SYNE3: variants seen among roughly 807,000 people sequenced by gnomAD.
SYNE3 encodes the protein spectrin repeat containing nuclear envelope family member 3.
SYNE3 carries 100 observed loss-of-function variants against 111.2 expected under a neutral mutation model. That is an observed-to-expected ratio of 0.90 (90% CI 0.77 to 1.06). The LOEUF is 1.06. SYNE3 is among the 50% of genes least tolerant of loss of function. SYNE3 has a pLI of 0.00. For missense variants in SYNE3, 1,160 were observed against 1,240.3 expected (o/e 0.94, Z 0.97); for synonymous variants, 547 against 533.9 (o/e 1.02, Z -0.34).
At chr14:95,488,228 C>T (rs1454720272) in intron 1 of SYNE3, among the ~76,000 whole-genome samples, 1 of 152,086 alleles carries the variant, frequency 6.6e-6, no homozygotes, top group East Asian at 1.9e-4. Flanking sequence ...GGCCTGGTAC[C>T]CCTAACCCCT....
At chr14:95,442,786 G>A (rs1886480412) in intron 11 of SYNE3, among the ~76,000 whole-genome samples, 1 of 152,242 alleles carries the variant, frequency 6.6e-6, no homozygotes, top group Admixed American at 6.5e-5. Flanking sequence ...GGCTGCCTAA[G>A]GATCTCAGCA....
At chr14:95,464,559 G>C (rs553264666) in intron 4 of SYNE3, among the ~76,000 whole-genome samples, 2 of 152,378 alleles carry the variant, frequency 1.3e-5, no homozygotes, top group East Asian at 3.9e-4. Context: ...TCAGAATATG[G>C]AGTTGGGGCC....
At chr14:95,481,398 A>G (rs1328058669) in intron 1 of SYNE3, among the ~76,000 whole-genome samples, 1 of 152,132 alleles carries the variant, frequency 6.6e-6, no homozygotes, top group Non-Finnish European at 1.5e-5. Flanking sequence ...GAGGAGGAGG[A>G]GCTGAGAAGC....
rs1438231016 is a variant in SYNE3, at chr14:95,457,359, C to A, written c.628-21G>T. ...CGCTTCTGTGGGAGGAGGAGAATCA[C>A]CAGCCATGAGGGTCCCCAGCCCAGA... On this transcript the variant is annotated intron_variant, in intron 4 of 17. Coordinates refer to ENST00000682763, the MANE Select transcript of SYNE3 (RefSeq NM_152592.6). 17 of 1,610,668 alleles carry A rather than the reference C, an allele frequency of 1.1e-5. No homozygotes were observed. The African/African-American group carries it at 1.5e-4, about 14-fold the overall frequency.
intron 2 of SYNE3, among the ~76,000 whole-genome samples, chr14:95,473,856 A>C (rs1324551094): frequency 2.7e-5 from 4 of 148,286 alleles, no homozygotes; most frequent in East Asian, 2.0e-4. Flanking sequence ...GGCTGGAGCT[A>C]AGGCTGGTGT....
chr14:95,498,872 G>A (rs1890209345), intron 1 of SYNE3, among the ~76,000 whole-genome samples: 1 of 152,166 alleles, frequency 6.6e-6, no homozygotes, highest in Non-Finnish European at 1.5e-5. Context: ...GCAGGACAAG[G>A]CGGACTAGAA....
rs984896162 is a variant in SYNE3 at position 95,485,941 on chromosome 14, G to A, written c.-14-10106C>T. On this transcript the variant is annotated intron_variant, in intron 1 of 17. Coordinates refer to ENST00000682763, the MANE Select transcript of SYNE3 (RefSeq NM_152592.6). This position sits in a 1 kb window ranked among gnomAD's most constrained non-coding sequence, Gnocchi z 4.3. ...GAGTCTGATTTGGGACAAGGGTCAG[G>A]GGAGGGACAGAGGTGCAGACAGCAG... 3.3e-5 allele frequency among the ~76,000 whole-genome samples: 5 copies of A among 152,130 alleles called. No homozygotes were observed. Among genetic ancestry groups the A allele is most frequent in the Non-Finnish European group, 5.9e-5 (4 of 68,026 alleles).
intron 4 of SYNE3, among the ~76,000 whole-genome samples, chr14:95,465,190 G>A (rs1888085853): frequency 6.6e-6 from 1 of 152,152 alleles, no homozygotes; most frequent in Admixed American, 6.5e-5. Context: ...GAGGAAGGGA[G>A]GGGAGGAGGG....
chr14:95,507,880 G>A (rs1432577096), intron 1 of SYNE3, among the ~76,000 whole-genome samples: 3 of 152,210 alleles, frequency 2.0e-5, no homozygotes, highest in African/African-American at 7.2e-5. Flanking sequence ...AGAAGACAGG[G>A]TAGGGTGCTC....
rs775473860 is a variant in SYNE3, at chr14:95,465,975, T to C, written c.583A>G (p.Lys195Glu). 1 of 1,601,824 alleles carries C rather than the reference T, an allele frequency of 6.2e-7. No individual in the cohort carries two copies. Among genetic ancestry groups the C allele is most frequent in the South Asian group, 1.1e-5 (1 of 90,676 alleles). ...GCATCGTACTCAGCCTTCATTCTCTTCTGGGCATCTTCGTCCACGCTGGGG... is the reference window on the plus strand; with the variant it reads ...GCATCGTACTCAGCCTTCATTCTCTCCTGGGCATCTTCGTCCACGCTGGGG... ...GDPSVDEDAQKRMKAEYDAVK... is the reference protein window; with the variant it reads ...GDPSVDEDAQERMKAEYDAVK... The change falls in exon 4 of 18, where the codon AAG (lysine) becomes GAG (glutamate). Residue 195 changes from lysine to glutamate, a missense_variant. Transcript: ENST00000682763.
intron 1 of SYNE3, among the ~76,000 whole-genome samples, chr14:95,487,443 C>T (rs574746526): frequency 3.9e-5 from 6 of 152,240 alleles, no homozygotes; most frequent in East Asian, 1.9e-4. Context: ...TTTCACTGTC[C>T]GTGTTGCTGG....
At chr14:95,437,059 G>A in intron 14 of SYNE3, 78 bp from the exon 15 acceptor site, 2 of 1,580,780 alleles carry the variant, frequency 1.3e-6, no homozygotes, top group African/African-American at 1.3e-5. Flanking sequence ...TCCACCTGAG[G>A]CAGAGGGGCA....
At chr14:95,491,143 C>A (rs1041953782) in intron 1 of SYNE3, among the ~76,000 whole-genome samples, 1 of 152,116 alleles carries the variant, frequency 6.6e-6, no homozygotes, top group Non-Finnish European at 1.5e-5. Context: ...TCTCGGGTTG[C>A]GGGGTAAGCC....
rs752841256 is a variant in SYNE3 at position 95,449,999 on chromosome 14, G to A, written c.1381C>T (p.Arg461Trp). The A allele has an allele frequency of 1.3e-6, 2 of 1,555,088 alleles. No individual in the cohort carries two copies. The highest frequency in any genetic ancestry group is 1.4e-5 in the African/African-American group (1 of 73,260). The change falls in exon 8 of 18, where the codon CGG becomes TGG. Residue 461 changes from arginine (R) to tryptophan (W), a missense_variant. Physicochemically the swap from Arg to Trp is moderately radical, Grantham distance 101 (BLOSUM62 -3). Coordinates refer to ENST00000682763, the MANE Select transcript of SYNE3 (RefSeq NM_152592.6). ...AGGCTGGCAGTGACCTCCAAGAGCC[G>A]CTGGGCCAGGGCCTTCCACAGCTGC... is the stretch of plus-strand genomic sequence containing the variant. ...DLQLWKALAQ[R>W]LLEVTASLPD...
chr14:95,483,124 C>G (rs768246633), intron 1 of SYNE3, among the ~76,000 whole-genome samples: 1 of 152,212 alleles, frequency 6.6e-6, no homozygotes, highest in Non-Finnish European at 1.5e-5. Context: ...AGCTGCCAGG[C>G]AGCCTCCGTC....
At position 95,428,763 on chromosome 14, in the gene SYNE3, C is replaced by T. The variant is rs115091543; in HGVS notation, c.2727+3316G>A. 5.1e-3 allele frequency among the ~76,000 whole-genome samples: 783 copies of T among 152,324 alleles called. 6 individuals are homozygous for T. The highest frequency in any genetic ancestry group is 0.018 in the African/African-American group (752 of 41,568). On this transcript the variant is annotated intron_variant, in intron 17 of 17. Coordinates refer to ENST00000682763, the MANE Select transcript of SYNE3 (RefSeq NM_152592.6). ...ATGCTGCAGGCAAACACACCCGCAG[C>T]AGTGAGTTGGCAAGTGCCTAGGCAG...
rs1027693328 is a variant in SYNE3, at chr14:95,500,668, G to A, written c.-15+15928C>T. On this transcript the variant is annotated intron_variant, in intron 1 of 17. Transcript: ENST00000682763. This position sits in a 1 kb window ranked among gnomAD's most constrained non-coding sequence, Gnocchi z 4.7. ...CTGAGCAACCACCTTCATGATTCCCGCTGATCCTCTCCCTGACCACCCGTG... is the reference window on the plus strand; with the variant it reads ...CTGAGCAACCACCTTCATGATTCCCACTGATCCTCTCCCTGACCACCCGTG... Among the ~76,000 whole-genome samples the A allele has an allele frequency of 2.0e-5, 3 of 152,142 alleles. No individual in the cohort carries two copies. The highest frequency in any genetic ancestry group is 6.5e-5 in the Admixed American group (1 of 15,274).
At chr14:95,496,869 A>G (rs1407319457) in intron 1 of SYNE3, among the ~76,000 whole-genome samples, 1 of 152,246 alleles carries the variant, frequency 6.6e-6, no homozygotes, top group South Asian at 2.1e-4. Context: ...GCCATGAAGC[A>G]GCACTCCTGC....
In SYNE3 at chr14:95,413,945, G is replaced by A. The variant is rs1301011848; in HGVS notation, c.*3881C>T. The stretch of plus-strand genomic sequence containing the variant: ...CCGAGGACCTCATCATGAGACATTA[G>A]AGGGGCTCATCTTCCAGGTGAGCAA... On this transcript the variant is annotated 3_prime_UTR_variant, in exon 18 of 18. Transcript: ENST00000682763. The A allele has an allele frequency of 6.6e-6, 1 of 152,392 alleles. No individual in the cohort carries two copies. The highest frequency in any genetic ancestry group is 1.5e-5 in the Non-Finnish European group (1 of 68,086). The allele number at this position is 152,392 out of a possible 1,614,324, so 9.4% of individuals were successfully genotyped here.
Sources: gnomAD v4.1 joint callset for allele counts (sites outside exome capture counted in the v4.1 genomes callset) on GRCh38, gnomAD v4.1.1 for gene constraint, Gnocchi (gnomAD v3.1) non-coding constraint, MANE v1.5 for transcripts, NCBI Gene and HGNC (gene_info 2026-07-23, HGNC 2026-07-21) for gene names.